The following LMO7 variants were observed in gnomAD, a reference collection of about 807,000 sequenced individuals.
LMO7 encodes the protein LIM domain only protein 7.
LMO7 carries 120 observed loss-of-function variants against 206.5 expected under a neutral mutation model. The observed-to-expected ratio is 0.58, with a 90% CI of 0.50 to 0.68. The LOEUF (loss-of-function observed/expected upper bound fraction) is 0.68, where lower values mean the gene tolerates loss of function less well. LMO7 is among the 30% of genes least tolerant of loss of function. LMO7 has a pLI of 0.00. For missense variants in LMO7, 1,959 were observed against 1,957.9 expected (o/e 1.00, Z -0.01); for synonymous variants, 706 against 681.5 (o/e 1.04, Z -0.56).
intron 4 of LMO7, among the ~76,000 whole-genome samples, chr13:75,784,670 C>A (rs969039964): frequency 6.6e-6 from 1 of 152,064 alleles, no homozygotes; most frequent in African/African-American, 2.4e-5. Flanking sequence ...CAGAGAACTT[C>A]CATGTACATC....
intron 29 of LMO7, among the ~76,000 whole-genome samples, chr13:75,856,255 T>C (rs921283599): frequency 6.6e-6 from 1 of 152,198 alleles, no homozygotes; most frequent in Non-Finnish European, 1.5e-5. Flanking sequence ...CAGCAAATTA[T>C]TTCTATTTTT....
chr13:75,769,459 A>ACTTT (rs1235798367), intron 4 of LMO7, among the ~76,000 whole-genome samples: 5 of 152,022 alleles, frequency 3.3e-5, no homozygotes, highest in African/African-American at 1.2e-4. Context: ...ATGTTCCCAA[A>ACTTT]GAATTACTGT....
intron 2 of LMO7, among the ~76,000 whole-genome samples, chr13:75,720,465 G>A (rs928648437): frequency 6.6e-6 from 1 of 152,084 alleles, no homozygotes; most frequent in African/African-American, 2.4e-5. Flanking sequence ...AATAGTTTTT[G>A]GTTTTATATT....
At chr13:75,716,182 T>C (rs1002504136) in intron 2 of LMO7, among the ~76,000 whole-genome samples, 6 of 152,182 alleles carry the variant, frequency 3.9e-5, no homozygotes, top group Admixed American at 6.5e-5. Context: ...AAAAAATCCA[T>C]TAGTAGTACT....
At chr13:75,668,302 A>C (rs2039254358) in intron 1 of LMO7, among the ~76,000 whole-genome samples, 1 of 152,222 alleles carries the variant, frequency 6.6e-6, no homozygotes, top group Non-Finnish European at 1.5e-5. Flanking sequence ...TGGCAGTTTA[A>C]ATCTCAGGTC....
chr13:75,842,474 TTCTC>T, intron 24 of LMO7, among the ~76,000 whole-genome samples: 1 of 152,316 alleles, frequency 6.6e-6, no homozygotes, highest in South Asian at 2.1e-4. Flanking sequence ...TTCTCACTCT[TTCTC>T]TCTGTATACT....
intron 9 of LMO7, 126 bp from the exon 10 acceptor site, chr13:75,807,354 A>G (rs1807499114): frequency 1.1e-6 from 1 of 951,986 alleles, no homozygotes; most frequent in African/African-American, 1.7e-5. Context: ...ATGGTCCTCT[A>G]AAATGATTTA....
rs1012187232 is a variant in LMO7, at chr13:75,808,293, C to T, written c.1916+94C>T. 4.4e-6 allele frequency: 6 copies of T among 1,351,466 alleles called. No individual in the cohort carries two copies. In the African/African-American group the frequency reaches 8.8e-5, roughly 20 times the overall value. 83.7% of individuals were successfully genotyped at this position (1,351,466 alleles called of 1,614,324 possible). A position where few individuals can be genotyped will look rare whatever the true frequency, so the allele number is the denominator to read the frequency against. ...AAGCAGCTCATCGTGTTGCTCAACT[C>T]TGCATGTCGCGTGCCATTTTGAAGC... On this transcript the variant is annotated intron_variant, in intron 10 of 30. Transcript: ENST00000377534.
chr13:75,668,340 T>A lies in LMO7; in HGVS notation c.69+31614T>A, dbSNP rs566112858. On this transcript the variant is annotated intron_variant, in intron 1 of 30. Transcript: ENST00000377534. Reference sequence around the variant, plus strand: ...GTCTTTTTGCCTTCACTGGTATGCTTGGAGTAAGCCTGCACCTGTGGTTCA... The same window carrying A: ...GTCTTTTTGCCTTCACTGGTATGCTAGGAGTAAGCCTGCACCTGTGGTTCA... Among the ~76,000 whole-genome samples the A allele has an allele frequency of 3.3e-5, 5 of 152,344 alleles. No individual in the cohort carries two copies. In the South Asian group the frequency reaches 1.0e-3, roughly 32 times the overall value.
rs563479320 is a variant in LMO7 at position 75,623,437 on chromosome 13, C to A, written c.225+117C>A. ...GGAGTGCAGTGGTGCCATCTAGGGT[C>A]ACTGCAACCTCTGCCTCCCGGGTTC... On this transcript the variant is annotated intron_variant, in intron 2 of 29. Transcript: ENST00000341547. The A allele has an allele frequency of 9.8e-6, 6 of 611,960 alleles. No individual in the cohort carries two copies. In the South Asian group the frequency reaches 1.1e-4, roughly 11 times the overall value. 37.9% of individuals were successfully genotyped at this position (611,960 alleles called of 1,614,324 possible).
chr13:75,835,289 T>C lies in LMO7; in HGVS notation c.3283T>C (p.Ser1095Pro), dbSNP rs1246046288. ...TTCTGGAATTTACAACTCAGAAAAA[T>C]CTTCAAATCTATCTGTAACAACTGA... ...ATSGIYNSEKSSNLSVTTDFS... is the reference protein window; with the variant it reads ...ATSGIYNSEKPSNLSVTTDFS... Residue 1095 changes from serine to proline, a missense_variant, in exon 18 of 31, where the codon TCT becomes CCT. Coordinates refer to ENST00000377534, the MANE Select transcript of LMO7 (RefSeq NM_001306080.2). The C allele has an allele frequency of 3.7e-6, 6 of 1,610,480 alleles. No individual in the cohort carries two copies. Among genetic ancestry groups the C allele is most frequent in the African/African-American group, 2.7e-5 (2 of 74,792 alleles).
chr13:75,639,591 A>T (rs1466537828), intron 1 of LMO7, among the ~76,000 whole-genome samples: 1 of 152,190 alleles, frequency 6.6e-6, no homozygotes, highest in East Asian at 1.9e-4. Flanking sequence ...CTGGACTCTA[A>T]TTTTAGGCCT....
intron 6 of LMO7, 54 bp from the exon 7 acceptor site, chr13:75,800,630 A>G: frequency 6.7e-7 from 1 of 1,502,038 alleles, no homozygotes; most frequent in South Asian, 1.1e-5. Context: ...CCGATTGATT[A>G]TATTTTTTGG....
intron 2 of LMO7, among the ~76,000 whole-genome samples, chr13:75,713,565 A>C (rs9318371): frequency 0.071 from 10,869 of 152,218 alleles, 816 homozygotes; most frequent in African/African-American, 0.19. Flanking sequence ...ACATGTTACC[A>C]TTGATCTCTT....
chr13:75,843,998 CTG>C (rs976074598), intron 25 of LMO7, among the ~76,000 whole-genome samples: 19 of 152,246 alleles, frequency 1.2e-4, no homozygotes, highest in Middle Eastern at 3.4e-3. Flanking sequence ...TTCTGGGTAA[CTG>C]TAAATCATTA....
At chr13:75,685,362 T>C (rs900769444) in intron 1 of LMO7, among the ~76,000 whole-genome samples, 6 of 152,082 alleles carry the variant, frequency 3.9e-5, no homozygotes, top group Non-Finnish European at 7.4e-5. Flanking sequence ...CTGGCTAGAG[T>C]TGACTCATGT....
intron 1 of LMO7, among the ~76,000 whole-genome samples, chr13:75,657,472 A>G (rs937844063): frequency 2.6e-5 from 4 of 152,170 alleles, no homozygotes; most frequent in Non-Finnish European, 5.9e-5. Context: ...GAGCCAGCAA[A>G]GGAACACCTG....
At chr13:75,660,189 T>G (rs1422854486) in intron 1 of LMO7, among the ~76,000 whole-genome samples, 1 of 152,190 alleles carries the variant, frequency 6.6e-6, no homozygotes, top group Non-Finnish European at 1.5e-5. Flanking sequence ...AGCAATCAAA[T>G]AGAGAAAAGT....
At chr13:75,645,797 A>G (rs374403848) in intron 1 of LMO7, among the ~76,000 whole-genome samples, 1 of 152,114 alleles carries the variant, frequency 6.6e-6, no homozygotes, top group East Asian at 1.9e-4. Flanking sequence ...TGGTGTTTCT[A>G]ATTTTTCTGT....
Sources: allele counts gnomAD v4.1 joint callset (sites outside exome capture counted in the v4.1 genomes callset), GRCh38; gene constraint gnomAD v4.1.1; transcripts MANE v1.5; gene names NCBI Gene and HGNC (gene_info 2026-07-23, HGNC 2026-07-21).